Variants in RPN2 observed in about 807,000 individuals in gnomAD.
The protein encoded by RPN2 is ribophorin II.
RPN2 carries 29 observed loss-of-function variants against 71.4 expected under a neutral mutation model. The observed-to-expected ratio is 0.41, with a 90% confidence interval of 0.30 to 0.55. The LOEUF (loss-of-function observed/expected upper bound fraction) is 0.55. RPN2 is among the 20% of genes least tolerant of loss of function. The probability of loss-of-function intolerance (pLI) is 0.35; values close to 1 mark genes in which losing one functional copy is unlikely to be tolerated. For missense variants in RPN2, 726 were observed against 774.1 expected, an observed-to-expected ratio of 0.94 and a Z score of 0.74; for synonymous variants, 308 against 305.0, an observed-to-expected ratio of 1.01 and a Z score of -0.10.
intron 1 of RPN2, among the ~76,000 whole-genome samples, chr20:37,182,031 C>G (rs1036058634): frequency 2.0e-5 from 3 of 151,932 alleles, no homozygotes; most frequent in African/African-American, 7.2e-5. Flanking sequence ...CATAGTAGCT[C>G]AGTATACATT....
At chr20:37,224,605 A>G (rs2068035911) in intron 10 of RPN2, among the ~76,000 whole-genome samples, 1 of 152,214 alleles carries the variant, frequency 6.6e-6, no homozygotes, top group Non-Finnish European at 1.5e-5. Context: ...ATAATCTTCT[A>G]AGTAGACACT....
At chr20:37,200,312 T>C (rs1189812418) in intron 4 of RPN2, 1 of 319,898 alleles carries the variant, frequency 3.1e-6, no homozygotes, top group Non-Finnish European at 6.5e-6. Flanking sequence ...TTTTAGTTTT[T>C]AGTGGAGATG....
intron 13 of RPN2, among the ~76,000 whole-genome samples, chr20:37,232,021 G>C (rs934645957): frequency 3.9e-5 from 6 of 152,102 alleles, no homozygotes; most frequent in African/African-American, 1.4e-4. Context: ...GCATTCTCTG[G>C]CCTCTGAATG....
intron 9 of RPN2, among the ~76,000 whole-genome samples, chr20:37,221,917 A>G (rs753402402): frequency 2.6e-4 from 40 of 152,216 alleles, no homozygotes; most frequent in Non-Finnish European, 4.0e-4. Context: ...TAAAGCAGCA[A>G]CCTGGTTTAT....
chr20:37,214,327 T>C (rs895871413), intron 9 of RPN2, among the ~76,000 whole-genome samples: 6 of 152,178 alleles, frequency 3.9e-5, no homozygotes, highest in Non-Finnish European at 7.4e-5. Context: ...CAGTAATCTT[T>C]CATAATGAAC....
intron 8 of RPN2, among the ~76,000 whole-genome samples, chr20:37,213,106 T>A (rs990828241): frequency 2.0e-5 from 3 of 152,208 alleles, no homozygotes; most frequent in African/African-American, 7.2e-5. Context: ...TATACTATCG[T>A]ACACCAACCT....
At chr20:37,223,751 A>C in intron 9 of RPN2, 127 bp from the exon 10 acceptor site, 4 of 750,232 alleles carry the variant, frequency 5.3e-6, no homozygotes, top group Non-Finnish European at 9.3e-6. Flanking sequence ...ATCATCCTTG[A>C]AGACTCTTGT....
chr20:37,233,967 G>C (rs2068315580), intron 14 of RPN2, 53 bp from the exon 15 acceptor site: 4 of 1,590,960 alleles, frequency 2.5e-6, no homozygotes, highest in Non-Finnish European at 3.4e-6. Context: ...GGCTTGTGTT[G>C]CTTCCCTTTT....
Position 37,241,379 on chromosome 20 carries a change from C to T in RPN2, c.*64C>T, listed in dbSNP as rs1359487301. 2.6e-6 allele frequency: 4 copies of T among 1,555,774 alleles called. No individual in the cohort carries two copies. Among genetic ancestry groups the T allele is most frequent in the African/African-American group, 1.4e-5 (1 of 73,198 alleles). ...AAGAAAAGGAGTCAAGAACAATTCA[C>T]AGTATGAGAAGAAAAATGGAAAAAA... On this transcript the variant is annotated 3_prime_UTR_variant, in exon 17 of 17. Coordinates refer to ENST00000237530, the MANE Select transcript of RPN2 (RefSeq NM_002951.5).
In RPN2 at chr20:37,228,609, A is replaced by G. The variant is rs1280906272; in HGVS notation, c.1359A>G (p.Pro453=). 5.0e-6 allele frequency: 8 copies of G among 1,614,144 alleles called. No homozygotes were observed. Among genetic ancestry groups the G allele is most frequent in the African/African-American group, 1.3e-5 (1 of 74,954 alleles). Residue 453 remains proline, a synonymous_variant, in exon 12 of 17, where the codon CCA becomes CCG. Transcript: ENST00000237530. ...AGGAAGTGGTGTTTGTTGCCGAGCCAGACAACAAGAACGTGTACAAGTTTG... is the reference window on the plus strand; with the variant it reads ...AGGAAGTGGTGTTTGTTGCCGAGCCGGACAACAAGAACGTGTACAAGTTTG... ...TGQEVVFVAE[P]DNKNVYKFEL... is the part of the protein sequence containing the mutation.
At chr20:37,223,801 G>T in intron 9 of RPN2, 77 bp from the exon 10 acceptor site, 1 of 1,234,638 alleles carries the variant, frequency 8.1e-7, no homozygotes, top group South Asian at 1.2e-5. Flanking sequence ...TTAAAGAATA[G>T]AAAACTTTAT....
At chr20:37,186,982 A>G (rs894882043) in intron 2 of RPN2, among the ~76,000 whole-genome samples, 2 of 152,224 alleles carry the variant, frequency 1.3e-5, no homozygotes, top group Admixed American at 6.5e-5. Context: ...TGGTGAAAAT[A>G]TTTCACAGGT....
chr20:37,197,500 G>T (rs1026186163), intron 2 of RPN2, among the ~76,000 whole-genome samples: 3 of 152,218 alleles, frequency 2.0e-5, no homozygotes, highest in African/African-American at 7.2e-5. Flanking sequence ...AAAAGTCAAG[G>T]ATGGTTCCCA....
At chr20:37,194,830 C>T (rs1197217717) in intron 2 of RPN2, among the ~76,000 whole-genome samples, 1 of 152,062 alleles carries the variant, frequency 6.6e-6, no homozygotes, top group East Asian at 1.9e-4. Context: ...CTGGGCAGCA[C>T]ATCACAGTAA....
In RPN2 at chr20:37,207,349, C is replaced by T; in HGVS notation, c.767C>T (p.Ala256Val). 1.9e-6 allele frequency: 3 copies of T among 1,613,916 alleles called. No homozygotes were observed. Among genetic ancestry groups the T allele is most frequent in the South Asian group, 1.1e-5 (1 of 91,078 alleles). ...FESLSEAFSVASAAAVLSHNR... is the reference protein window; with the variant it reads ...FESLSEAFSVVSAAAVLSHNR... Reference sequence around the variant, plus strand: ...TCCCTCTCCGAAGCCTTCAGCGTGGCCTCTGCAGCTGCTGTGCTCTCGCAT... The same window carrying T: ...TCCCTCTCCGAAGCCTTCAGCGTGGTCTCTGCAGCTGCTGTGCTCTCGCAT... The change falls in exon 7 of 17, where the codon GCC (alanine) becomes GTC (valine). Residue 256 changes from alanine (A) to valine (V), a missense_variant. Transcript: ENST00000237530.
intron 2 of RPN2, among the ~76,000 whole-genome samples, chr20:37,195,169 CAG>C (rs1249240845): frequency 6.6e-6 from 1 of 152,136 alleles, no homozygotes; most frequent in Non-Finnish European, 1.5e-5. Context: ...CAGCTGGAGT[CAG>C]AGTTTCCAGT....
intron 16 of RPN2, among the ~76,000 whole-genome samples, chr20:37,239,385 A>G (rs1437959125): frequency 6.6e-6 from 1 of 152,134 alleles, no homozygotes; most frequent in Non-Finnish European, 1.5e-5. Flanking sequence ...GAGGTATTTG[A>G]ATTTTCAAGT....
intron 2 of RPN2, among the ~76,000 whole-genome samples, chr20:37,197,046 C>A (rs1271332877): frequency 1.3e-5 from 2 of 152,050 alleles, no homozygotes; most frequent in Non-Finnish European, 2.9e-5. Flanking sequence ...GCAGGAAGGA[C>A]AAGGAAAAGG....
Position 37,213,762 on chromosome 20 carries a change from A to G in RPN2, c.989A>G (p.Asp330Gly). 6.2e-7 allele frequency: 1 copy of G among 1,611,394 alleles called. No homozygotes were observed. The highest frequency in any genetic ancestry group is 1.1e-5 in the South Asian group (1 of 91,016). Residue 330 changes from aspartate (D) to glycine (G), a missense_variant and splice_region_variant, in exon 9 of 17, where the codon GAT (aspartate) becomes GGT (glycine). Coordinates refer to ENST00000237530, the MANE Select transcript of RPN2 (RefSeq NM_002951.5). ...AAGCCCATTGTCATTCTTAACAGGG[A>G]TGTTTTTGAACTAAATTTCATGAAC... ...LQKTSFTPVG[D>G]VFELNFMNVK...
Sources: allele counts gnomAD v4.1 joint callset (sites outside exome capture counted in the v4.1 genomes callset), GRCh38; gene constraint gnomAD v4.1.1; transcripts MANE v1.5; gene names NCBI Gene and HGNC (gene_info 2026-07-23, HGNC 2026-07-21).